The following SPEF2 variants were observed in gnomAD, a reference collection of about 807,000 sequenced individuals.
SPEF2 encodes the protein sperm flagella and cilia-associated protein 2.
In SPEF2, 187 loss-of-function variants were observed where a neutral mutation model predicts 224.6. The ratio of observed to expected loss-of-function variants is 0.83; its 90% CI spans 0.74 to 0.94. The LOEUF is 0.94. Among genes scored for constraint, SPEF2 ranks in the 40% least tolerant of loss-of-function variants. The pLI is 0.00. For missense variants in SPEF2, 2,170 were observed against 2,135.6 expected (o/e 1.02, Z -0.32); for synonymous variants, 715 against 707.3 (o/e 1.01, Z -0.17).
At chr5:35,720,714 T>C (rs1057081778) in intron 20 of SPEF2, among the ~76,000 whole-genome samples, 1 of 152,184 alleles carries the variant, frequency 6.6e-6, no homozygotes, top group African/African-American at 2.4e-5. Flanking sequence ...TTGGAACATA[T>C]ATTAGCATTA....
At chr5:35,704,417 T>C in intron 16 of SPEF2, 137 bp from the exon 17 acceptor site, 1 of 554,002 alleles carries the variant, frequency 1.8e-6, no homozygotes, top group East Asian at 3.1e-5. Context: ...TCTTTCAACA[T>C]CTTTTAAAAT....
At chr5:35,631,513 G>A (rs1236488772) in intron 2 of SPEF2, among the ~76,000 whole-genome samples, 1 of 152,192 alleles carries the variant, frequency 6.6e-6, no homozygotes, top group African/African-American at 2.4e-5. Context: ...TACAATGTTA[G>A]TGTGAATTTA....
chr5:35,758,009 T>G (rs928578894), intron 24 of SPEF2, among the ~76,000 whole-genome samples: 1 of 152,212 alleles, frequency 6.6e-6, no homozygotes, highest in African/African-American at 2.4e-5. Context: ...AAATACAGAC[T>G]TATTGAAACT....
At chr5:35,635,132 T>C (rs1166975902) in intron 2 of SPEF2, among the ~76,000 whole-genome samples, 3 of 152,076 alleles carry the variant, frequency 2.0e-5, no homozygotes, top group Non-Finnish European at 2.9e-5. Context: ...GCTTTTTTTT[T>C]CCTCCTCTGA....
intron 36 of SPEF2, among the ~76,000 whole-genome samples, chr5:35,812,737 A>G (rs1180652826): frequency 2.6e-5 from 4 of 152,244 alleles, no homozygotes; most frequent in African/African-American, 9.6e-5. Flanking sequence ...TAATGTTAAC[A>G]TTAGAATATC....
At chr5:35,622,040 T>C (rs1743591667) in intron 1 of SPEF2, among the ~76,000 whole-genome samples, 1 of 152,202 alleles carries the variant, frequency 6.6e-6, no homozygotes, top group South Asian at 2.1e-4. Context: ...TTAAATAAGG[T>C]TAATTAATAT....
intron 2 of SPEF2, among the ~76,000 whole-genome samples, chr5:35,639,727 A>G (rs1482866741): frequency 6.6e-6 from 1 of 151,888 alleles, no homozygotes; most frequent in Non-Finnish European, 1.5e-5. Context: ...ACTTACCTGT[A>G]AGAAGAGGTA....
intron 6 of SPEF2, among the ~76,000 whole-genome samples, chr5:35,654,051 A>G (rs1291243417): frequency 6.6e-6 from 1 of 151,620 alleles, no homozygotes; most frequent in East Asian, 1.9e-4. Context: ...ACCTGAGGTC[A>G]GGAGTTCGAG....
chr5:35,764,981 A>G lies in SPEF2; in HGVS notation c.3801+1279A>G, dbSNP rs1751897162. On this transcript the variant is annotated intron_variant, in intron 26 of 36. Coordinates refer to ENST00000356031, the MANE Select transcript of SPEF2 (RefSeq NM_024867.4). ...CTTAATGAACCCACCTAAAGTAAATACTCATGGCACCACTACCTGGAGAGA... is the reference window on the plus strand; with the variant it reads ...CTTAATGAACCCACCTAAAGTAAATGCTCATGGCACCACTACCTGGAGAGA... 1.3e-5 allele frequency among the ~76,000 whole-genome samples: 2 copies of G among 152,140 alleles called. 1 individual carries two copies. The highest frequency in any genetic ancestry group is 2.9e-5 in the Non-Finnish European group (2 of 68,030).
intron 21 of SPEF2, among the ~76,000 whole-genome samples, chr5:35,733,650 G>A (rs1746040003): frequency 6.6e-6 from 1 of 152,148 alleles, no homozygotes; most frequent in Non-Finnish European, 1.5e-5. Context: ...AGATTTAGAA[G>A]GATCTTAAAA....
At chr5:35,663,022 A>C (rs190439745) in intron 8 of SPEF2, among the ~76,000 whole-genome samples, 61 of 152,270 alleles carry the variant, frequency 4.0e-4, no homozygotes, top group African/African-American at 1.4e-3. Flanking sequence ...ACTTATTTTA[A>C]TAGTATTTAT....
rs377018614 is a variant in SPEF2 at position 35,759,197 on chromosome 5, CAAA to C, written c.3469-370_3469-368del. 1.5e-3 allele frequency among the ~76,000 whole-genome samples: 235 copies of C among 151,938 alleles called. 1 individual carries two copies. The highest frequency in any genetic ancestry group is 5.3e-3 in the African/African-American group (221 of 41,440). The stretch of plus-strand genomic sequence containing the variant: ...AAATCAACTCATATGCTACCTATGA[CAAA>C]GAAGTTTGCTACTATATTGGCTGAT... On this transcript the variant is annotated intron_variant, in intron 24 of 36. Coordinates refer to ENST00000356031, the MANE Select transcript of SPEF2 (RefSeq NM_024867.4).
Position 35,771,670 on chromosome 5 carries a change from C to T in SPEF2, c.3863C>T (p.Pro1288Leu), listed in dbSNP as rs866324091. 1.9e-6 allele frequency: 3 copies of T among 1,611,094 alleles called. No individual in the cohort carries two copies. The highest frequency in any genetic ancestry group is 2.7e-5 in the African/African-American group (2 of 74,546). The change falls in exon 27 of 37, where the codon CCC becomes CTC. Residue 1288 changes from proline (P) to leucine (L), a missense_variant. Coordinates refer to ENST00000356031, the MANE Select transcript of SPEF2 (RefSeq NM_024867.4). ...EEEKENQPAD[P>L]KEKSPQMGAN... ...GAAAAAGAAAACCAGCCAGCAGACCCCAAAGAAAAATCTCCTCAGATGGGT... is the reference window on the plus strand; with the variant it reads ...GAAAAAGAAAACCAGCCAGCAGACCTCAAAGAAAAATCTCCTCAGATGGGT...
intron 23 of SPEF2, among the ~76,000 whole-genome samples, chr5:35,750,535 A>C (rs542510170): frequency 6.6e-6 from 1 of 152,304 alleles, no homozygotes; most frequent in African/African-American, 2.4e-5. Flanking sequence ...TGAGCTATGG[A>C]TATAAATAGC....
At chr5:35,702,680 G>T (rs890897241) in intron 16 of SPEF2, among the ~76,000 whole-genome samples, 3 of 152,132 alleles carry the variant, frequency 2.0e-5, no homozygotes, top group Non-Finnish European at 2.9e-5. Flanking sequence ...ATGCAACAAA[G>T]ACTATAAAAA....
At chr5:35,658,212 T>C (rs1374072099) in intron 7 of SPEF2, among the ~76,000 whole-genome samples, 1 of 152,202 alleles carries the variant, frequency 6.6e-6, no homozygotes, top group African/African-American at 2.4e-5. Context: ...CCCAGCCTAT[T>C]ATGATGACCA....
intron 10 of SPEF2, among the ~76,000 whole-genome samples, chr5:35,682,913 A>T (rs540274308): frequency 1.3e-5 from 2 of 152,314 alleles, no homozygotes; most frequent in Admixed American, 6.5e-5. Flanking sequence ...TCACTTGGGC[A>T]ACGTTACAAT....
intron 8 of SPEF2, among the ~76,000 whole-genome samples, chr5:35,659,471 GTC>G (rs1446683689): frequency 1.3e-5 from 2 of 152,086 alleles, no homozygotes; most frequent in Non-Finnish European, 2.9e-5. Context: ...TTATGTCCAT[GTC>G]TCTCTAGTCA....
At chr5:35,750,100 G>T (rs929107506) in intron 23 of SPEF2, among the ~76,000 whole-genome samples, 1 of 152,114 alleles carries the variant, frequency 6.6e-6, no homozygotes, top group East Asian at 1.9e-4. Context: ...ACATAAGTTG[G>T]GGAAAGGACA....
Sources: allele counts gnomAD v4.1 joint callset (sites outside exome capture counted in the v4.1 genomes callset), GRCh38; gene constraint gnomAD v4.1.1; transcripts MANE v1.5; gene names NCBI Gene and HGNC (gene_info 2026-07-23, HGNC 2026-07-21).